Variants in KRABD2 observed in about 807,000 individuals in gnomAD.
KRABD2 encodes the protein KRAB domain-containing protein 2.
At chr17:8,363,832 T>TATATATATCATAC in the KRABD2 span, among the ~76,000 whole-genome samples, 1 of 35,760 alleles carries the variant, frequency 2.8e-5, no homozygotes, top group Non-Finnish European at 5.6e-5. Flanking sequence ...ATATCATACA[T>TATATATATCATAC]ATATATATAT....
At chr17:8,363,830 C>CATATATATATAT in the KRABD2 span, among the ~76,000 whole-genome samples, 22 of 86,962 alleles carry the variant, frequency 2.5e-4, no homozygotes, top group East Asian at 4.1e-3. Flanking sequence ...ATATATCATA[C>CATATATATATAT]ATATATATAT....
the KRABD2 span, among the ~76,000 whole-genome samples, chr17:8,361,931 A>C: frequency 1.3e-5 from 2 of 152,320 alleles, no homozygotes; most frequent in Non-Finnish European, 2.9e-5. Context: ...TCTGAGCTTT[A>C]TTTCTTTCTT....
the KRABD2 span, chr17:8,370,270 T>C: frequency 6.2e-7 from 1 of 1,613,330 alleles, no homozygotes. Flanking sequence ...TTTGTTACAC[T>C]CATAAGAAAC....
chr17:8,373,146 CCT>C, the KRABD2 span, among the ~76,000 whole-genome samples: 13 of 94,256 alleles, frequency 1.4e-4, no homozygotes, highest in African/African-American at 2.0e-4. Flanking sequence ...TCCCTCTCTC[CCT>C]CTCTCCGTCT....
the KRABD2 span, among the ~76,000 whole-genome samples, chr17:8,366,726 CTTTT>C: frequency 1.4e-5 from 2 of 147,918 alleles, no homozygotes; most frequent in Non-Finnish European, 3.0e-5. Context: ...CCTTCATCTA[CTTTT>C]TTTTTTTCTG....
the KRABD2 span, chr17:8,369,706 G>GA: frequency 6.2e-7 from 1 of 1,614,206 alleles, no homozygotes; most frequent in South Asian, 1.1e-5. Flanking sequence ...ACCACCTCAT[G>GA]GGCCTGTTTG....
the KRABD2 span, among the ~76,000 whole-genome samples, chr17:8,367,646 G>C: frequency 6.8e-6 from 1 of 146,386 alleles, no homozygotes; most frequent in Non-Finnish European, 1.5e-5. Flanking sequence ...CTCAGTGACA[G>C]AGCGAGACCC....
the KRABD2 span, chr17:8,370,265 T>C: frequency 1.2e-5 from 19 of 1,613,664 alleles, no homozygotes; most frequent in Admixed American, 6.7e-5. Context: ...CTAACTTTGT[T>C]ACACTCATAA....
chr17:8,374,271 T>C, the KRABD2 span, among the ~76,000 whole-genome samples: 2 of 152,246 alleles, frequency 1.3e-5, no homozygotes, highest in Non-Finnish European at 2.9e-5. Context: ...TCCATTTTGT[T>C]CTATACTAAG....
chr17:8,359,015 G>C, the KRABD2 span, among the ~76,000 whole-genome samples: 11 of 152,216 alleles, frequency 7.2e-5, no homozygotes, highest in East Asian at 2.1e-3. Context: ...CATCACATTT[G>C]GTTCCCAGTG....
chr17:8,371,466 G>A, the KRABD2 span: 1 of 1,613,786 alleles, frequency 6.2e-7, no homozygotes, highest in Non-Finnish European at 8.5e-7. Flanking sequence ...TAGTCTTGGG[G>A]CCTGGGCTAA....
the KRABD2 span, chr17:8,373,684 G>A: frequency 3.7e-5 from 6 of 161,792 alleles, no homozygotes; most frequent in Non-Finnish European, 7.9e-5. Flanking sequence ...AGTCTGGGAA[G>A]TGAGGAGCCT....
the KRABD2 span, among the ~76,000 whole-genome samples, chr17:8,362,869 G>C: frequency 6.6e-6 from 1 of 152,182 alleles, no homozygotes. The surrounding 1 kb of genome is among the most constrained non-coding windows in gnomAD (Gnocchi z 4.2). Flanking sequence ...CCAAGAGAGT[G>C]AGGTGGCATT....
At chr17:8,373,463 C>T in the KRABD2 span, 10 of 186,614 alleles carry the variant, frequency 5.4e-5, no homozygotes, top group Middle Eastern at 2.2e-3. Flanking sequence ...GATGGAGTCT[C>T]GCTCACTCAG....
chr17:8,368,371 A>G, the KRABD2 span, among the ~76,000 whole-genome samples: 9 of 152,114 alleles, frequency 5.9e-5, no homozygotes, highest in African/African-American at 2.2e-4. Flanking sequence ...GGGTCTGTGT[A>G]TTTATTCTTA....
the KRABD2 span, among the ~76,000 whole-genome samples, chr17:8,372,520 AG>A: frequency 6.6e-6 from 1 of 152,100 alleles, no homozygotes; most frequent in Non-Finnish European, 1.5e-5. This position sits in a 1 kb window ranked among gnomAD's most constrained non-coding sequence, Gnocchi z 4.1. Context: ...TCGAACTTCT[AG>A]CCTCAAGTGA....
chr17:8,373,980 C>T, the KRABD2 span, among the ~76,000 whole-genome samples: 1 of 151,988 alleles, frequency 6.6e-6, no homozygotes, highest in Admixed American at 6.5e-5. Context: ...ACCCTGCAGC[C>T]GCCCCATCCA....
the KRABD2 span, among the ~76,000 whole-genome samples, chr17:8,372,294 A>T: frequency 1.2e-4 from 19 of 152,246 alleles, no homozygotes; most frequent in Non-Finnish European, 2.6e-4. This position sits in a 1 kb window ranked among gnomAD's most constrained non-coding sequence, Gnocchi z 4.1. Context: ...GAGGAAAAAC[A>T]GTGTGTATTA....
chr17:8,363,866 T>TATATATA, the KRABD2 span, among the ~76,000 whole-genome samples: 1 of 72,500 alleles, frequency 1.4e-5, no homozygotes. Context: ...TATATATTTA[T>TATATATA]TTATTTATTT....
Sources: allele counts gnomAD v4.1 joint callset (sites outside exome capture counted in the v4.1 genomes callset), GRCh38; gene constraint gnomAD v4.1.1; non-coding constraint Gnocchi (gnomAD v3.1); transcripts MANE v1.5; gene names NCBI Gene and HGNC (gene_info 2026-07-23, HGNC 2026-07-21).